The following BBX variants were observed in gnomAD, a reference collection of about 807,000 sequenced individuals.
BBX encodes the protein HMG box transcription factor BBX.
BBX carries 30 observed loss-of-function variants against 100.2 expected under a neutral mutation model. The ratio of observed to expected loss-of-function variants is 0.30; its 90% CI spans 0.22 to 0.41. The LOEUF is 0.41. Ranked by LOEUF, BBX falls within the 10% of genes least tolerant of loss-of-function variation. The pLI is 1.00. For missense variants in BBX, 1,023 were observed against 1,129.8 expected (o/e 0.91, Z 1.35); for synonymous variants, 376 against 388.1 (o/e 0.97, Z 0.37).
chr3:107,565,932 G>T (rs1160063618), intron 2 of BBX, among the ~76,000 whole-genome samples: 1 of 151,770 alleles, frequency 6.6e-6, no homozygotes, highest in East Asian at 1.9e-4. Flanking sequence ...CTAGCACTTT[G>T]AGAGGCTGAG....
chr3:107,532,642 G>A (rs2048239344), intron 2 of BBX, among the ~76,000 whole-genome samples: 1 of 152,132 alleles, frequency 6.6e-6, no homozygotes, highest in Admixed American at 6.5e-5. Context: ...AAAAGCTGGG[G>A]AAATGTACAG....
chr3:107,668,981 C>A (rs371924114), intron 3 of BBX, among the ~76,000 whole-genome samples: 3 of 152,152 alleles, frequency 2.0e-5, no homozygotes, highest in South Asian at 4.1e-4. Context: ...TTTCCCATCC[C>A]CCTCCCACAT....
intron 7 of BBX, among the ~76,000 whole-genome samples, chr3:107,741,657 C>T (rs2064120616): frequency 6.6e-6 from 1 of 152,122 alleles, no homozygotes; most frequent in East Asian, 1.9e-4. Context: ...CTGGCTCTAG[C>T]ATAGGAATAG....
At chr3:107,663,968 G>T (rs2058604340) in intron 3 of BBX, among the ~76,000 whole-genome samples, 1 of 151,920 alleles carries the variant, frequency 6.6e-6, no homozygotes, top group South Asian at 2.1e-4. Flanking sequence ...ACTGTGCCCA[G>T]CTAATTTTTT....
chr3:107,589,973 CA>C (rs1365955814), intron 2 of BBX, among the ~76,000 whole-genome samples: 2 of 152,052 alleles, frequency 1.3e-5, no homozygotes, highest in Non-Finnish European at 2.9e-5. Context: ...ATGGTACTTT[CA>C]TTTTTTTTAT....
At chr3:107,662,396 A>G (rs1040072762) in intron 3 of BBX, among the ~76,000 whole-genome samples, 3 of 152,168 alleles carry the variant, frequency 2.0e-5, no homozygotes, top group Admixed American at 6.5e-5. Context: ...CCAACAGCTA[A>G]CTTTACTTCC....
intron 2 of BBX, among the ~76,000 whole-genome samples, chr3:107,603,010 C>A (rs1231678678): frequency 6.6e-6 from 1 of 152,200 alleles, no homozygotes; most frequent in African/African-American, 2.4e-5. Flanking sequence ...GTCATTCAGG[C>A]TGGAGTGCAG....
chr3:107,796,078 T>A (rs1031485055), intron 15 of BBX, among the ~76,000 whole-genome samples: 3 of 152,212 alleles, frequency 2.0e-5, no homozygotes, highest in Admixed American at 6.5e-5. Flanking sequence ...AGATGGCTCC[T>A]TTAAAGCTAA....
At position 107,716,792 on chromosome 3, in the gene BBX, T is replaced by C. The variant is rs755272385; in HGVS notation, c.348T>C (p.Asp116=). The change falls in exon 5 of 18, where the codon GAT becomes GAC. Residue 116 remains aspartate, a synonymous_variant. Coordinates refer to ENST00000325805, the MANE Select transcript of BBX (RefSeq NM_001142568.3). The part of the protein sequence containing the change: ...DNRGATKILA[D]WWAVLDPKEK... ...GAGGTGCTACCAAGATACTAGCTGA[T>C]TGGTGGGCTGTTCTTGATCCAAAGG... The C allele has an allele frequency of 4.3e-6, 7 of 1,613,638 alleles. No individual in the cohort carries two copies. In the South Asian group the frequency reaches 7.7e-5, roughly 18 times the overall value.
At chr3:107,677,654 A>G (rs1384448205) in intron 3 of BBX, among the ~76,000 whole-genome samples, 2 of 152,162 alleles carry the variant, frequency 1.3e-5, no homozygotes, top group East Asian at 3.8e-4. Flanking sequence ...TCGAATACTA[A>G]AAGTTTTTCA....
intron 2 of BBX, among the ~76,000 whole-genome samples, chr3:107,617,683 T>A (rs1576515676): frequency 1.3e-5 from 2 of 152,290 alleles, no homozygotes; most frequent in East Asian, 3.9e-4. Flanking sequence ...TTAATTTTGA[T>A]GTCCACATGT....
At chr3:107,746,557 A>G (rs2064616488) in intron 8 of BBX, among the ~76,000 whole-genome samples, 1 of 152,196 alleles carries the variant, frequency 6.6e-6, no homozygotes, top group Admixed American at 6.5e-5. Flanking sequence ...GCACAGTAGA[A>G]TGAAATTTTC....
chr3:107,681,999 A>C (rs2107999371), intron 3 of BBX, among the ~76,000 whole-genome samples: 1 of 152,260 alleles, frequency 6.6e-6, no homozygotes, highest in East Asian at 1.9e-4. Context: ...ATAAAATCAC[A>C]CACATTCAAC....
chr3:107,735,079 T>C (rs984941212), intron 7 of BBX, among the ~76,000 whole-genome samples: 8 of 152,144 alleles, frequency 5.3e-5, no homozygotes, highest in African/African-American at 1.4e-4. Context: ...TGGGTCATTA[T>C]TGAAAATAGT....
intron 2 of BBX, among the ~76,000 whole-genome samples, chr3:107,611,687 T>A (rs1456801864): frequency 1.3e-5 from 2 of 152,144 alleles, no homozygotes; most frequent in Non-Finnish European, 2.9e-5. Context: ...CTTTGAGAGT[T>A]TGAATATTAA....
At chr3:107,777,547 T>C (rs2067426031) in intron 12 of BBX, among the ~76,000 whole-genome samples, 1 of 152,166 alleles carries the variant, frequency 6.6e-6, no homozygotes, top group African/African-American at 2.4e-5. Context: ...GGTTGCATGT[T>C]AGTTTAATAA....
At chr3:107,747,552 C>G (rs978173706) in intron 8 of BBX, among the ~76,000 whole-genome samples, 3 of 152,170 alleles carry the variant, frequency 2.0e-5, no homozygotes, top group Non-Finnish European at 4.4e-5. Flanking sequence ...TGCATCACAG[C>G]TGCCTCTAAC....
chr3:107,797,847 C>T (rs190876914), intron 15 of BBX, among the ~76,000 whole-genome samples: 38 of 152,314 alleles, frequency 2.5e-4, no homozygotes, highest in African/African-American at 8.7e-4. Context: ...ATACCTAAAA[C>T]TAGCCTCTCC....
intron 2 of BBX, among the ~76,000 whole-genome samples, chr3:107,538,452 A>G (rs759823497): frequency 6.6e-6 from 1 of 152,152 alleles, no homozygotes; most frequent in Non-Finnish European, 1.5e-5. Flanking sequence ...TCTGATCTAT[A>G]TATTTCAAAA....
Sources: allele counts gnomAD v4.1 joint callset (sites outside exome capture counted in the v4.1 genomes callset), GRCh38; gene constraint gnomAD v4.1.1; transcripts MANE v1.5; gene names NCBI Gene and HGNC (gene_info 2026-07-23, HGNC 2026-07-21).